The following GALNT10 variants were observed in gnomAD, a reference collection of about 807,000 sequenced individuals.
GALNT10 encodes GalNAc transferase 10.
Under a neutral mutation model 75.0 loss-of-function variants are expected in GALNT10, and 41 were observed. The observed-to-expected ratio is 0.55, with a 90% CI of 0.43 to 0.71. The LOEUF is 0.71. GALNT10 is among the 30% of genes least tolerant of loss of function. The pLI, the probability that GALNT10 is intolerant of heterozygous loss-of-function variation, is 0.00. For synonymous variants in GALNT10, 302 were observed against 313.0 expected (o/e 0.96, Z 0.37); for missense variants, 727 against 818.5 (o/e 0.89, Z 1.36).
rs1405489575 is a variant in GALNT10 at position 154,376,222 on chromosome 5, T to C, written c.569-55T>C. 4.3e-6 allele frequency: 5 copies of C among 1,165,948 alleles called. No homozygotes were observed. The highest frequency in any genetic ancestry group is 1.9e-5 in the Admixed American group (1 of 51,868). The allele number at this position is 1,165,948 out of a possible 1,614,324, so 72.2% of individuals were successfully genotyped here. ...CAGTTCACATGTAAGGGAGGAGTCA[T>C]AAGGATGACTACTAAGCAACTGTTC... On this transcript the variant is annotated intron_variant, in intron 4 of 11. Transcript: ENST00000297107. The surrounding 1 kb of genome is among the most constrained non-coding windows in gnomAD (Gnocchi z 4.1).
chr5:154,349,095 G>A (rs963772700), intron 4 of GALNT10, among the ~76,000 whole-genome samples: 4 of 151,988 alleles, frequency 2.6e-5, no homozygotes, highest in Non-Finnish European at 4.4e-5. Flanking sequence ...CAGAGACAGC[G>A]AACCCTTTAT....
intron 1 of GALNT10, among the ~76,000 whole-genome samples, chr5:154,213,163 A>G (rs1201315681): frequency 2.6e-5 from 4 of 152,174 alleles, no homozygotes; most frequent in Non-Finnish European, 5.9e-5. Flanking sequence ...TGCTATTGCT[A>G]CTATTATCAG....
chr5:154,249,665 C>T (rs1228689666), intron 1 of GALNT10, among the ~76,000 whole-genome samples: 1 of 152,118 alleles, frequency 6.6e-6, no homozygotes, highest in Non-Finnish European at 1.5e-5. Flanking sequence ...CTGCCCCAAA[C>T]AGTTGATGGA....
rs1026629654 is a variant in GALNT10, at chr5:154,340,883, C to G, written c.568+11145C>G. 2.0e-5 allele frequency among the ~76,000 whole-genome samples: 3 copies of G among 152,182 alleles called. No individual in the cohort carries two copies. The East Asian group carries it at 5.8e-4, about 29-fold the overall frequency. On this transcript the variant is annotated intron_variant, in intron 4 of 11. Transcript: ENST00000297107. The stretch of plus-strand genomic sequence containing the variant: ...GCCAAAAATAGGCGACAGTTGACAA[C>G]TCTAAAGATCAAGAAGGCCAAATAT...
intron 1 of GALNT10, among the ~76,000 whole-genome samples, chr5:154,193,531 A>G (rs746358): frequency 0.93 from 141,865 of 152,318 alleles, 66,141 homozygotes; most frequent in African/African-American, 0.97. Flanking sequence ...GAGCTTTTTC[A>G]ACAGGGCTGA....
intron 3 of GALNT10, among the ~76,000 whole-genome samples, chr5:154,328,973 G>A (rs779090263): frequency 2.2e-4 from 33 of 152,110 alleles, no homozygotes; most frequent in Non-Finnish European, 4.4e-4. Context: ...CTGGAGGATG[G>A]TGGGTTGGGG....
In GALNT10 at chr5:154,349,139, G is replaced by T. The variant is rs149133268; in HGVS notation, c.568+19401G>T. On this transcript the variant is annotated intron_variant, in intron 4 of 11. Coordinates refer to ENST00000297107, the MANE Select transcript of GALNT10 (RefSeq NM_198321.4). Reference sequence around the variant, plus strand: ...TTTTAAATAAAAATAATCAGGAAAGGCTTCCTAGATAGGTGTCATTGCCTA... The same window carrying T: ...TTTTAAATAAAAATAATCAGGAAAGTCTTCCTAGATAGGTGTCATTGCCTA... 7.2e-5 allele frequency among the ~76,000 whole-genome samples: 11 copies of T among 152,042 alleles called. No individual in the cohort carries two copies. The East Asian group carries it at 1.7e-3, about 24-fold the overall frequency.
chr5:154,270,800 C>G (rs1753849383), intron 1 of GALNT10, among the ~76,000 whole-genome samples: 1 of 151,968 alleles, frequency 6.6e-6, no homozygotes, highest in South Asian at 2.1e-4. Flanking sequence ...TCAAGAGGAG[C>G]CTGGCCAACA....
chr5:154,232,031 A>G (rs1753158873), intron 1 of GALNT10, among the ~76,000 whole-genome samples: 1 of 152,230 alleles, frequency 6.6e-6, no homozygotes, highest in South Asian at 2.1e-4. Flanking sequence ...CTCCGGGGGG[A>G]GAGAGCCAGG....
intron 4 of GALNT10, among the ~76,000 whole-genome samples, chr5:154,338,605 T>A (rs1185308106): frequency 6.6e-6 from 1 of 152,218 alleles, no homozygotes; most frequent in Non-Finnish European, 1.5e-5. Context: ...AGCTAGATAA[T>A]ATTCCATAGT....
intron 1 of GALNT10, among the ~76,000 whole-genome samples, chr5:154,252,780 A>G (rs1457599836): frequency 1.3e-5 from 2 of 150,994 alleles, no homozygotes; most frequent in Non-Finnish European, 3.0e-5. Flanking sequence ...AGTTTTTCAT[A>G]TTTTTTCCTT....
intron 1 of GALNT10, among the ~76,000 whole-genome samples, chr5:154,287,722 G>A (rs1420998338): frequency 6.6e-6 from 1 of 152,082 alleles, no homozygotes; most frequent in Non-Finnish European, 1.5e-5. Flanking sequence ...AATAATCATT[G>A]TTTGGATGAA....
At chr5:154,207,508 T>C (rs1410780398) in intron 1 of GALNT10, among the ~76,000 whole-genome samples, 1 of 152,046 alleles carries the variant, frequency 6.6e-6, no homozygotes, top group Non-Finnish European at 1.5e-5. Context: ...CAAGTCAGAG[T>C]ACAGTGAGAT....
At chr5:154,302,264 A>G (rs376002720) in intron 3 of GALNT10, among the ~76,000 whole-genome samples, 211 of 152,384 alleles carry the variant, frequency 1.4e-3, no homozygotes, top group African/African-American at 4.8e-3. Context: ...TGTTTGTGCC[A>G]GCTGCCTTTG....
chr5:154,369,204 G>A (rs1268828803), intron 4 of GALNT10, among the ~76,000 whole-genome samples: 1 of 151,986 alleles, frequency 6.6e-6, no homozygotes, highest in Non-Finnish European at 1.5e-5. Context: ...CCTGGCCGAC[G>A]TGGCGAAACC....
At chr5:154,310,076 G>C (rs1754490335) in intron 3 of GALNT10, among the ~76,000 whole-genome samples, 1 of 152,164 alleles carries the variant, frequency 6.6e-6, no homozygotes. Flanking sequence ...CACCCTTTTT[G>C]TTGGGAATGA....
chr5:154,238,464 G>A (rs1469237283), intron 1 of GALNT10, among the ~76,000 whole-genome samples: 1 of 152,182 alleles, frequency 6.6e-6, no homozygotes, highest in East Asian at 1.9e-4. Flanking sequence ...TCAGGCAGAA[G>A]TCTGTCTTGA....
intron 1 of GALNT10, among the ~76,000 whole-genome samples, chr5:154,202,052 A>T (rs972502697): frequency 1.3e-5 from 2 of 152,190 alleles, no homozygotes; most frequent in South Asian, 2.1e-4. Context: ...AAGTGTTAGG[A>T]TCCATTAAAT....
intron 1 of GALNT10, among the ~76,000 whole-genome samples, chr5:154,279,024 CTGTT>C (rs1381501299): frequency 9.9e-5 from 15 of 152,160 alleles, no homozygotes; most frequent in Admixed American, 6.5e-4. Context: ...CTAGGAATGT[CTGTT>C]TGAGTCCCTG....
Sources: gnomAD v4.1 joint callset for allele counts (sites outside exome capture counted in the v4.1 genomes callset) on GRCh38, gnomAD v4.1.1 for gene constraint, Gnocchi (gnomAD v3.1) non-coding constraint, MANE v1.5 for transcripts, NCBI Gene and HGNC (gene_info 2026-07-23, HGNC 2026-07-21) for gene names.